MRPL3: variants seen among roughly 807,000 people sequenced by gnomAD.
MRPL3 encodes large ribosomal subunit protein uL3m.
MRPL3 carries 43 observed loss-of-function variants against 44.3 expected under a neutral mutation model. That is an observed-to-expected ratio of 0.97 (90% CI 0.76 to 1.25). The LOEUF is 1.25. MRPL3 is among the 50% of genes most tolerant of loss of function. The pLI is 0.00. For synonymous variants in MRPL3, 171 were observed against 152.3 expected (o/e 1.12, Z -0.91); for missense variants, 406 against 427.6 (o/e 0.95, Z 0.45).
At chr3:131,495,089 TG>T (rs1349722426) in intron 4 of MRPL3, among the ~76,000 whole-genome samples, 1 of 152,234 alleles carries the variant, frequency 6.6e-6, no homozygotes, top group Non-Finnish European at 1.5e-5. Context: ...TCTAATTTCT[TG>T]GAGGCATAAA....
At chr3:131,487,448 T>TAA (rs78929649) in intron 6 of MRPL3, 55 of 381,242 alleles carry the variant, frequency 1.4e-4, no homozygotes, top group Middle Eastern at 7.3e-4. Context: ...TAAAGTATAA[T>TAA]AAAAAAAAAA....
intron 6 of MRPL3, among the ~76,000 whole-genome samples, chr3:131,480,450 T>C (rs938266109): frequency 6.6e-6 from 1 of 152,222 alleles, no homozygotes; most frequent in Non-Finnish European, 1.5e-5. Flanking sequence ...TGACCTGAAA[T>C]GCAGGTATAT....
chr3:131,467,594 T>C (rs1933640293), intron 9 of MRPL3, among the ~76,000 whole-genome samples: 1 of 151,986 alleles, frequency 6.6e-6, no homozygotes, highest in Non-Finnish European at 1.5e-5. Context: ...GTGTAGCACC[T>C]CCCCCTTCCC....
At chr3:131,497,664 A>T (rs1934399736) in intron 4 of MRPL3, among the ~76,000 whole-genome samples, 2 of 152,144 alleles carry the variant, frequency 1.3e-5, no homozygotes, top group South Asian at 4.2e-4. Context: ...TGCTTTATTA[A>T]AAAAAATCTG....
chr3:131,486,538 CT>C (rs1934129561), intron 6 of MRPL3, among the ~76,000 whole-genome samples: 1 of 151,050 alleles, frequency 6.6e-6, no homozygotes, highest in Non-Finnish European at 1.5e-5. Flanking sequence ...TGCTGGTGCG[CT>C]GGAAAATTTT....
chr3:131,488,584 G>A (rs1934181292), intron 5 of MRPL3: 1 of 152,012 alleles, frequency 6.6e-6, no homozygotes, highest in African/African-American at 2.4e-5. Context: ...GCCCCTGACA[G>A]CAAGAAATTT....
chr3:131,466,691 G>T (rs5852627), intron 9 of MRPL3, among the ~76,000 whole-genome samples: 62 of 26,648 alleles, frequency 2.3e-3, no homozygotes, highest in African/African-American at 3.6e-3. Context: ...CATTTTTTTT[G>T]GGGGGGGGTG....
At chr3:131,496,366 G>A (rs1351118112) in intron 4 of MRPL3, among the ~76,000 whole-genome samples, 11 of 151,942 alleles carry the variant, frequency 7.2e-5, no homozygotes, top group Admixed American at 6.6e-4. Flanking sequence ...AAGAATAGCA[G>A]GACAGATATT....
At chr3:131,490,618 C>T (rs987808439) in intron 4 of MRPL3, among the ~76,000 whole-genome samples, 66 of 152,200 alleles carry the variant, frequency 4.3e-4, no homozygotes, top group African/African-American at 1.5e-3. Flanking sequence ...AAATCTTCAG[C>T]ACTGTTTCCT....
chr3:131,500,722 C>T (rs1934478535), intron 2 of MRPL3, among the ~76,000 whole-genome samples: 1 of 151,962 alleles, frequency 6.6e-6, no homozygotes, highest in Non-Finnish European at 1.5e-5. Flanking sequence ...TATTGGTGCT[C>T]AATAAATATT....
rs1479560001 is a variant in MRPL3 at position 131,501,476 on chromosome 3, T to C, written c.277+55A>G. Reference sequence around the variant, plus strand: ...CAAGTAGTCACTATGATTTTAAATGTGTCCAGCCACACAGTAATTAGGAAA... The same window carrying C: ...CAAGTAGTCACTATGATTTTAAATGCGTCCAGCCACACAGTAATTAGGAAA... On this transcript the variant is annotated intron_variant, in intron 2 of 9. Transcript: ENST00000264995. The C allele has an allele frequency of 8.9e-6, 12 of 1,352,204 alleles. No homozygotes were observed. In the African/African-American group the frequency reaches 1.3e-4, roughly 15 times the overall value. The allele number at this position is 1,352,204 out of a possible 1,614,324, so 83.8% of individuals were successfully genotyped here. A position where few individuals can be genotyped will look rare whatever the true frequency, so the allele number is the denominator to read the frequency against.
chr3:131,482,327 TA>T (rs1281787408), intron 6 of MRPL3, among the ~76,000 whole-genome samples: 1 of 151,846 alleles, frequency 6.6e-6, no homozygotes, highest in Non-Finnish European at 1.5e-5. Flanking sequence ...CCATCCTGGC[TA>T]AAACGGTGAA....
At chr3:131,463,468 A>G (rs910843772) in intron 9 of MRPL3, among the ~76,000 whole-genome samples, 3 of 151,716 alleles carry the variant, frequency 2.0e-5, no homozygotes, top group African/African-American at 4.8e-5. Flanking sequence ...TTAAGTTGAG[A>G]CTATTTTATA....
In MRPL3 at chr3:131,502,930, T is replaced by G. The variant is rs747712957; in HGVS notation, c.-109A>C. The G allele has an allele frequency of 3.9e-6, 4 of 1,030,558 alleles. No individual in the cohort carries two copies. The African/African-American group carries it at 6.3e-5, about 16-fold the overall frequency. The allele number at this position is 1,030,558 out of a possible 1,614,324, so 63.8% of individuals were successfully genotyped here. On this transcript the variant is annotated 5_prime_UTR_variant, in exon 1 of 10. Transcript: ENST00000264995. ...GGACGCAGTAGCCGTGGGGAAGTTTTCGCAATGGCCGCCGGAACGGTCGCC... is the reference window on the plus strand; with the variant it reads ...GGACGCAGTAGCCGTGGGGAAGTTTGCGCAATGGCCGCCGGAACGGTCGCC...
chr3:131,462,311 T>A lies in MRPL3; in HGVS notation c.*412A>T, dbSNP rs1334055015. 1 of 154,734 alleles carries A rather than the reference T, an allele frequency of 6.5e-6. No individual in the cohort carries two copies. The highest frequency in any genetic ancestry group is 1.4e-5 in the Non-Finnish European group (1 of 69,536). 9.6% of individuals were successfully genotyped at this position (154,734 alleles called of 1,614,324 possible). ...TACTTTCTCCATTTTAGCAAATGGT[T>A]TCTTTACCCAAATAGGTTGCACTAT... On this transcript the variant is annotated 3_prime_UTR_variant, in exon 10 of 10. Transcript: ENST00000264995.
intron 7 of MRPL3, 129 bp downstream of exon 7, chr3:131,471,042 G>GT: frequency 1.6e-6 from 1 of 643,900 alleles, no homozygotes; most frequent in African/African-American, 1.8e-5. Context: ...CCATAAAAGG[G>GT]TGACAAGTAC....
intron 6 of MRPL3, among the ~76,000 whole-genome samples, chr3:131,483,877 T>C (rs764219558): frequency 1.6e-4 from 24 of 152,292 alleles, no homozygotes; most frequent in East Asian, 5.8e-4. Flanking sequence ...AGGTATAACA[T>C]TGAAACATTG....
chr3:131,490,989 C>A (rs78105126), intron 4 of MRPL3, among the ~76,000 whole-genome samples: 3 of 152,146 alleles, frequency 2.0e-5, no homozygotes, highest in African/African-American at 7.2e-5. Context: ...CTGAAATTGT[C>A]CCCACTCTCT....
intron 3 of MRPL3, among the ~76,000 whole-genome samples, chr3:131,499,729 TATAATAATA>T (rs35694649): frequency 1.3e-5 from 2 of 150,538 alleles, no homozygotes; most frequent in Admixed American, 6.6e-5. Context: ...AGTATCTTTC[TATAATAATA>T]ATAATAATAA....
Sources: allele counts gnomAD v4.1 joint callset (sites outside exome capture counted in the v4.1 genomes callset), GRCh38; gene constraint gnomAD v4.1.1; transcripts MANE v1.5; gene names NCBI Gene and HGNC (gene_info 2026-07-23, HGNC 2026-07-21).